The following PCDHA12 variants were observed in gnomAD, a reference collection of about 807,000 sequenced individuals.
PCDHA12 encodes the protein protocadherin alpha-12.
A neutral mutation model predicts 60.0 loss-of-function variants in PCDHA12; 44 were observed. That is an observed-to-expected ratio of 0.73 (90% confidence interval 0.58 to 0.94). The LOEUF (loss-of-function observed/expected upper bound fraction) is 0.94. PCDHA12 is among the 40% of genes least tolerant of loss of function. The pLI is 0.00. For missense variants in PCDHA12, 1,276 were observed against 1,239.7 expected (o/e 1.03, Z -0.44); for synonymous variants, 569 against 553.0 (o/e 1.03, Z -0.40).
intron 1 of PCDHA12, among the ~76,000 whole-genome samples, chr5:140,919,232 T>G (rs1178591658): frequency 3.9e-5 from 6 of 152,246 alleles, no homozygotes; most frequent in African/African-American, 1.4e-4. Flanking sequence ...CTAGTAACAC[T>G]TTTTGTCTTG....
At chr5:140,959,719 A>G (rs986383146) in intron 1 of PCDHA12, among the ~76,000 whole-genome samples, 4 of 152,366 alleles carry the variant, frequency 2.6e-5, no homozygotes, top group African/African-American at 9.6e-5. Context: ...AAATTTTTAG[A>G]TAACATTATC....
rs1582281358 is a variant in PCDHA12 at position 140,876,441 on chromosome 5, T to C, written c.969T>C (p.Ile323=). 1 of 1,613,992 alleles carries C rather than the reference T, an allele frequency of 6.2e-7. No individual in the cohort carries two copies. The highest frequency in any genetic ancestry group is 2.2e-5 in the East Asian group (1 of 44,890). The change falls in exon 1 of 4, where the codon ATT becomes ATC. Residue 323 remains isoleucine (I), a synonymous_variant. Transcript: ENST00000398631. ...CCTATGAAATTCAGGTTAACGCCATTGATAAAGGGATTCCTTCCATGGCAG... is the reference window on the plus strand; with the variant it reads ...CCTATGAAATTCAGGTTAACGCCATCGATAAAGGGATTCCTTCCATGGCAG... ...NNAYEIQVNA[I]DKGIPSMAGH... is the part of the protein sequence containing the mutation.
chr5:140,972,391 C>T (rs1554234093), intron 1 of PCDHA12, among the ~76,000 whole-genome samples: 3 of 151,490 alleles, frequency 2.0e-5, no homozygotes, highest in African/African-American at 7.3e-5. Flanking sequence ...TGTTTATTTG[C>T]TTCACTATTG....
chr5:140,926,170 C>G (rs558750358), intron 1 of PCDHA12, among the ~76,000 whole-genome samples: 1 of 151,736 alleles, frequency 6.6e-6, no homozygotes. Flanking sequence ...CAGGATCCAG[C>G]GCGGAAAGCC....
chr5:140,990,022 G>A (rs891983888), intron 3 of PCDHA12, among the ~76,000 whole-genome samples: 1 of 152,156 alleles, frequency 6.6e-6, no homozygotes, highest in African/African-American at 2.4e-5. Flanking sequence ...GCTAGGCAAA[G>A]GATGGGAGAA....
At chr5:140,882,041 A>G (rs1374444489) in intron 1 of PCDHA12, 9 of 677,522 alleles carry the variant, frequency 1.3e-5, no homozygotes, top group African/African-American at 1.3e-4. Context: ...ATGAAGACTG[A>G]GTCATACTTA....
rs781813282 is a variant in PCDHA12, at chr5:140,877,422, G to T, written c.1950G>T (p.Leu650=). The change falls in exon 1 of 4, where the codon CTG becomes CTT. Residue 650 remains leucine, a synonymous_variant. Transcript: ENST00000398631. ...CTCCGCGCCACCGCCTGCTGGTGCT[G>T]GTGAAGGACCACGGTGAGCCCGCGC... is the stretch of plus-strand genomic sequence containing the variant. ...ADAPRHRLLV[L]VKDHGEPALT... 6.2e-7 allele frequency: 1 copy of T among 1,613,902 alleles called. No individual in the cohort carries two copies. Among genetic ancestry groups the T allele is most frequent in the Non-Finnish European group, 8.5e-7 (1 of 1,179,876 alleles).
In PCDHA12 at chr5:140,876,042, AT is replaced by A; in HGVS notation, c.572del (p.Leu191CysfsTer4). On this transcript the variant is annotated frameshift_variant, in exon 1 of 4. Coordinates refer to ENST00000398631, the MANE Select transcript of PCDHA12 (RefSeq NM_018903.4). LOFTEE classifies it high-confidence loss of function. ...TAAAAACAAAAAAAGATAAAAGTAT[AT>A]TGCCTGAATTAGTTCTTCGGAAGTT... ...KIKTKKDKSILPELVLRKLLD... is the reference protein window; with the variant it reads ...KIKTKKDKSIXPELVLRKLLD... 1 of 1,613,902 alleles carries A rather than the reference AT, an allele frequency of 6.2e-7. No individual in the cohort carries two copies. The highest frequency in any genetic ancestry group is 8.5e-7 in the Non-Finnish European group (1 of 1,179,890).
chr5:140,946,384 G>A (rs2093939169), intron 1 of PCDHA12, among the ~76,000 whole-genome samples: 1 of 151,758 alleles, frequency 6.6e-6, no homozygotes, highest in Non-Finnish European at 1.5e-5. Context: ...CGGTTGGTAG[G>A]AATGTAAATT....
chr5:140,898,079 C>G (rs1179252797), intron 1 of PCDHA12, among the ~76,000 whole-genome samples: 2 of 151,984 alleles, frequency 1.3e-5, no homozygotes, highest in East Asian at 1.9e-4. Context: ...ATTGTAGATT[C>G]TGGATATTAG....
chr5:140,900,252 AG>A (rs2067859572), intron 1 of PCDHA12, among the ~76,000 whole-genome samples: 1 of 152,096 alleles, frequency 6.6e-6, no homozygotes, highest in South Asian at 2.1e-4. Flanking sequence ...ATGGCTGAAT[AG>A]TACTCCATTG....
chr5:140,980,412 A>G (rs1264059417), intron 2 of PCDHA12, among the ~76,000 whole-genome samples: 4 of 152,302 alleles, frequency 2.6e-5, no homozygotes, highest in Non-Finnish European at 5.9e-5. Flanking sequence ...TGGGCAGATC[A>G]TGAGGTCAAG....
rs1422050863 is a variant in PCDHA12 at position 140,908,165 on chromosome 5, G to A, written c.2367+30326G>A. ...GTATGTCCTAGGAAGGGGCTGTAGT[G>A]CTGCAGCTGTCCACTTTCAGGTGGT... On this transcript the variant is annotated intron_variant, in intron 1 of 3. Coordinates refer to ENST00000398631, the MANE Select transcript of PCDHA12 (RefSeq NM_018903.4). 2.6e-5 allele frequency among the ~76,000 whole-genome samples: 4 copies of A among 152,222 alleles called. 1 individual carries two copies. The highest frequency in any genetic ancestry group is 5.9e-5 in the Non-Finnish European group (4 of 68,046).
At chr5:140,973,272 TC>T (rs1412629943) in intron 1 of PCDHA12, among the ~76,000 whole-genome samples, 1 of 152,134 alleles carries the variant, frequency 6.6e-6, no homozygotes, top group African/African-American at 2.4e-5. Flanking sequence ...TACTTTTATT[TC>T]CCCCAGCACT....
intron 1 of PCDHA12, among the ~76,000 whole-genome samples, chr5:140,908,751 C>T (rs1302522906): frequency 6.6e-6 from 1 of 152,170 alleles, no homozygotes; most frequent in Non-Finnish European, 1.5e-5. Context: ...GCAACTTGCA[C>T]ACAGCCTGGA....
intron 1 of PCDHA12, among the ~76,000 whole-genome samples, chr5:140,911,608 T>C (rs1045101856): frequency 1.3e-5 from 2 of 152,180 alleles, no homozygotes; most frequent in Non-Finnish European, 2.9e-5. Context: ...TTCATTATGT[T>C]CCTTAGTTCC....
chr5:140,927,042 G>T (rs548394870), intron 1 of PCDHA12: 7 of 1,612,270 alleles, frequency 4.3e-6, no homozygotes, highest in Non-Finnish European at 4.2e-6. Context: ...CGGCCGCTAT[G>T]TCCTCGCGGA....
At position 141,005,728 on chromosome 5, in the gene PCDHA12, A is replaced by T. The variant is rs574255915; in HGVS notation, c.2516-3899A>T. On this transcript the variant is annotated intron_variant, in intron 3 of 3. Coordinates refer to ENST00000398631, the MANE Select transcript of PCDHA12 (RefSeq NM_018903.4). ...AAAAAAAAAAAAAAAAAAAAAAAAA[A>T]AAAGAATGGATGAGAAATCATTCAA... Among the ~76,000 whole-genome samples the T allele has an allele frequency of 1.3e-4, 19 of 150,362 alleles. No homozygotes were observed. The South Asian group carries it at 1.7e-3, about 13-fold the overall frequency.
intron 1 of PCDHA12, among the ~76,000 whole-genome samples, chr5:140,940,000 G>A (rs1442780881): frequency 6.6e-6 from 1 of 152,080 alleles, no homozygotes; most frequent in Non-Finnish European, 1.5e-5. Context: ...CTTGGATTTT[G>A]TCAATTTTTT....
Sources: gnomAD v4.1 joint callset for allele counts (sites outside exome capture counted in the v4.1 genomes callset) on GRCh38, gnomAD v4.1.1 for gene constraint, MANE v1.5 for transcripts, NCBI Gene and HGNC (gene_info 2026-07-23, HGNC 2026-07-21) for gene names.